ZNF670: variants seen among roughly 807,000 people sequenced by gnomAD.
The protein encoded by ZNF670 is zinc finger protein 670.
ZNF670 carries 7 observed loss-of-function variants against 10.9 expected under a neutral mutation model. The ratio of observed to expected loss-of-function variants is 0.64; its 90% CI spans 0.36 to 1.20. The LOEUF is 1.20. Among genes scored for constraint, ZNF670 ranks in the 50% most tolerant of loss-of-function variants. The pLI is 0.02. For missense variants in ZNF670, 446 were observed against 458.6 expected (o/e 0.97, Z 0.25); for synonymous variants, 136 against 152.7 (o/e 0.89, Z 0.81).
At position 247,069,337 on chromosome 1, in the gene ZNF670, A is replaced by G. The variant is rs116796093; in HGVS notation, c.3+9257T>C. On this transcript the variant is annotated intron_variant, in intron 1 of 3. Coordinates refer to ENST00000366503, the MANE Select transcript of ZNF670 (RefSeq NM_033213.5). ...CAAGAAAGTTAAAGAAGACAAAAAA[A>G]GGTAACAAATGCTGGCAAGGATATG... 3.2e-3 allele frequency among the ~76,000 whole-genome samples: 478 copies of G among 151,240 alleles called. 35 individuals are homozygous for G. The highest frequency in any genetic ancestry group is 0.011 in the African/African-American group (463 of 40,514).
intron 1 of ZNF670, among the ~76,000 whole-genome samples, chr1:247,053,585 G>A (rs889598155): frequency 4.6e-5 from 7 of 152,182 alleles, no homozygotes; most frequent in Admixed American, 6.5e-5. Context: ...GCAGTGAGCC[G>A]AGATCGTGCC....
In ZNF670 at chr1:247,036,721, A is replaced by T. The variant is rs998854060; in HGVS notation, c.*728T>A. 1 of 152,202 alleles carries T rather than the reference A, an allele frequency of 6.6e-6. No homozygotes were observed. The highest frequency in any genetic ancestry group is 6.5e-5 in the Admixed American group (1 of 15,282). 9.4% of individuals were successfully genotyped at this position (152,202 alleles called of 1,614,324 possible). On this transcript the variant is annotated 3_prime_UTR_variant, in exon 4 of 4. Coordinates refer to ENST00000366503, the MANE Select transcript of ZNF670 (RefSeq NM_033213.5). ...ATGCAAGTAACAGCCAAAACTCATG[A>T]CAGAATAAAGGAAAGAAAATGAAAA... is the stretch of plus-strand genomic sequence containing the variant.
chr1:247,048,044 T>C (rs1670500180), intron 1 of ZNF670, among the ~76,000 whole-genome samples: 1 of 152,222 alleles, frequency 6.6e-6, no homozygotes, highest in Non-Finnish European at 1.5e-5. Context: ...CTGGCTTAAA[T>C]TTTTCCTCAG....
Position 247,037,209 on chromosome 1 carries a change from T to C in ZNF670, c.*240A>G, listed in dbSNP as rs1558334319. On this transcript the variant is annotated 3_prime_UTR_variant, in exon 4 of 4. Transcript: ENST00000366503. ...TGATAAAAATATATTTGAAAGCGGC[T>C]GGGAAAATAAAGTGTTCTAACACAT... 2 of 419,502 alleles carry C rather than the reference T, an allele frequency of 4.8e-6. No homozygotes were observed. The highest frequency in any genetic ancestry group is 5.7e-5 in the South Asian group (1 of 17,482). 26.0% of individuals were successfully genotyped at this position (419,502 alleles called of 1,614,324 possible). A position where few individuals can be genotyped will look rare whatever the true frequency, so the allele number is the denominator to read the frequency against.
At chr1:247,075,400 C>T (rs565077285) in intron 1 of ZNF670, among the ~76,000 whole-genome samples, 1 of 152,312 alleles carries the variant, frequency 6.6e-6, no homozygotes, top group East Asian at 1.9e-4. Flanking sequence ...CATTTTTCTG[C>T]AGCCATAATG....
chr1:247,056,501 C>G (rs1670717569), intron 1 of ZNF670, among the ~76,000 whole-genome samples: 1 of 152,098 alleles, frequency 6.6e-6, no homozygotes, highest in Admixed American at 6.5e-5. Context: ...CATACCAAAA[C>G]CTGTGGGATA....
chr1:247,070,313 T>C (rs1671085267), intron 1 of ZNF670, among the ~76,000 whole-genome samples: 1 of 151,770 alleles, frequency 6.6e-6, no homozygotes, highest in Non-Finnish European at 1.5e-5. Context: ...CTACTAAAAA[T>C]ACAAAAAACT....
At chr1:247,068,357 TAGAC>T (rs1671041426) in intron 1 of ZNF670, among the ~76,000 whole-genome samples, 1 of 107,968 alleles carries the variant, frequency 9.3e-6, no homozygotes, top group Non-Finnish European at 1.9e-5. Flanking sequence ...AAGATATGAA[TAGAC>T]AGTTCTCAAA....
chr1:247,072,683 A>T (rs1671146488), intron 1 of ZNF670, among the ~76,000 whole-genome samples: 1 of 150,634 alleles, frequency 6.6e-6, no homozygotes, highest in South Asian at 2.1e-4. Context: ...GCTAGTTGGG[A>T]GGCTGAGGCA....
At position 247,038,167 on chromosome 1, in the gene ZNF670, A is replaced by G. The variant is rs1350276009; in HGVS notation, c.452T>C (p.Ile151Thr). 20 of 1,614,044 alleles carry G rather than the reference A, an allele frequency of 1.2e-5. 1 individual carries two copies. Among genetic ancestry groups the G allele is most frequent in the South Asian group, 2.2e-5 (2 of 91,078 alleles). Residue 151 changes from isoleucine (I) to threonine (T), a missense_variant, in exon 4 of 4, where the codon ATC becomes ACC. Physicochemically the swap from Ile to Thr is moderately conservative, Grantham distance 89. Transcript: ENST00000366503. ...GTGTCTGTCAACACTGGTGAGAGAG[A>G]TAAAGGCTTTCCCACATTGTTTGCA... ...YHCKQCGKAF[I>T]SLTSVDRHMV...
At chr1:247,073,009 T>C (rs1671174217) in intron 1 of ZNF670, among the ~76,000 whole-genome samples, 1 of 151,088 alleles carries the variant, frequency 6.6e-6, no homozygotes, top group South Asian at 2.1e-4. Context: ...TAAGAAAAAA[T>C]AATCAAAACT....
Position 247,045,558 on chromosome 1 carries a change from C to T in ZNF670, c.4-6021G>A, listed in dbSNP as rs181434736. ...GCATCACCAGAAGCCAAGCAGCTGCCGGTGCCATGCTTGTACAGCCTGCAG... is the reference window on the plus strand; with the variant it reads ...GCATCACCAGAAGCCAAGCAGCTGCTGGTGCCATGCTTGTACAGCCTGCAG... On this transcript the variant is annotated intron_variant, in intron 1 of 3. Transcript: ENST00000366503. 1.7e-3 allele frequency among the ~76,000 whole-genome samples: 266 copies of T among 152,162 alleles called. 1 individual carries two copies. The highest frequency in any genetic ancestry group is 5.2e-3 in the South Asian group (25 of 4,816).
chr1:247,060,118 A>G (rs1261178082), intron 1 of ZNF670, among the ~76,000 whole-genome samples: 1 of 152,212 alleles, frequency 6.6e-6, no homozygotes, highest in African/African-American at 2.4e-5. Flanking sequence ...GTTATTTTAA[A>G]AAAAGAAAAT....
At chr1:247,044,589 A>G (rs1019999905) in intron 1 of ZNF670, among the ~76,000 whole-genome samples, 1 of 152,232 alleles carries the variant, frequency 6.6e-6, no homozygotes. Flanking sequence ...GATTTTTTAA[A>G]AAGTGGTACA....
intron 1 of ZNF670, among the ~76,000 whole-genome samples, chr1:247,046,231 A>T (rs1008181486): frequency 2.0e-5 from 3 of 152,220 alleles, no homozygotes; most frequent in Non-Finnish European, 2.9e-5. Flanking sequence ...GAGTTGCACA[A>T]CTAAAGGGGA....
intron 1 of ZNF670, chr1:247,042,958 T>C: frequency 1.4e-6 from 1 of 705,428 alleles, no homozygotes; most frequent in South Asian, 1.5e-5. Context: ...TTACATTCGA[T>C]ACCAATCCTT....
intron 1 of ZNF670, among the ~76,000 whole-genome samples, chr1:247,062,063 G>A (rs1171413688): frequency 6.6e-6 from 1 of 152,216 alleles, no homozygotes. Context: ...CCCGTAGGAT[G>A]CAGCACCAAT....
At chr1:247,069,283 T>A (rs11804436) in intron 1 of ZNF670, among the ~76,000 whole-genome samples, 81 of 150,904 alleles carry the variant, frequency 5.4e-4, no homozygotes, top group South Asian at 1.0e-3. Flanking sequence ...TCTCATGTAA[T>A]CCATAGATAT....
At position 247,074,973 on chromosome 1, in the gene ZNF670, A is replaced by ACCACAT. The variant is rs1671220143; in HGVS notation, c.3+3615_3+3620dup. Among the ~76,000 whole-genome samples the ACCACAT allele has an allele frequency of 3.3e-5, 5 of 152,296 alleles. No homozygotes were observed. The South Asian group carries it at 8.3e-4, about 25-fold the overall frequency. On this transcript the variant is annotated intron_variant, in intron 1 of 3. Coordinates refer to ENST00000366503, the MANE Select transcript of ZNF670 (RefSeq NM_033213.5). ...ATCTCATCCTTTCAATCCAGGCCCA[A>ACCACAT]CCACATCCACCTGTGAACACCAGAT...
Sources: allele counts gnomAD v4.1 joint callset (sites outside exome capture counted in the v4.1 genomes callset), GRCh38; gene constraint gnomAD v4.1.1; transcripts MANE v1.5; gene names NCBI Gene and HGNC (gene_info 2026-07-23, HGNC 2026-07-21).